The following CCBE1 variants were observed in gnomAD, a reference collection of about 807,000 sequenced individuals.
CCBE1 encodes the protein collagen and calcium-binding EGF domain-containing protein 1.
A neutral mutation model predicts 50.0 loss-of-function variants in CCBE1; 37 were observed. The ratio of observed to expected loss-of-function variants is 0.74; its 90% CI spans 0.57 to 0.97. CCBE1 has a LOEUF of 0.97. CCBE1 is among the 50% of genes least tolerant of loss of function. The probability of loss-of-function intolerance (pLI) is 0.00; values close to 1 mark genes in which losing one functional copy is unlikely to be tolerated. For missense variants in CCBE1, 538 were observed against 523.8 expected (o/e 1.03, Z -0.26); for synonymous variants, 234 against 203.7 (o/e 1.15, Z -1.27).
intron 2 of CCBE1, among the ~76,000 whole-genome samples, chr18:59,680,826 G>A (rs140796886): frequency 3.3e-4 from 50 of 152,232 alleles, no homozygotes; most frequent in Middle Eastern, 6.8e-3. Flanking sequence ...CCAAAGGAGC[G>A]TAGGTTAAAA....
At chr18:59,501,326 C>A (rs573751129) in intron 2 of CCBE1, among the ~76,000 whole-genome samples, 1 of 152,320 alleles carries the variant, frequency 6.6e-6, no homozygotes, top group East Asian at 1.9e-4. Flanking sequence ...AGAGGGGAAG[C>A]ACCAGGCTTG....
chr18:59,641,609 A>G (rs377746215), intron 2 of CCBE1, among the ~76,000 whole-genome samples: 3 of 152,218 alleles, frequency 2.0e-5, no homozygotes, highest in South Asian at 2.1e-4. Context: ...GTTAGAAATA[A>G]AAGTGCAAAT....
At chr18:59,522,078 T>C (rs903249013) in intron 2 of CCBE1, among the ~76,000 whole-genome samples, 1 of 152,118 alleles carries the variant, frequency 6.6e-6, no homozygotes, top group Non-Finnish European at 1.5e-5. Flanking sequence ...AGGAAATTCA[T>C]TGGCTACATT....
intron 2 of CCBE1, among the ~76,000 whole-genome samples, chr18:59,674,294 C>T (rs2054470156): frequency 6.6e-6 from 1 of 152,084 alleles, no homozygotes; most frequent in Admixed American, 6.6e-5. Flanking sequence ...TACTGTACAC[C>T]TATAAAAAAG....
chr18:59,692,512 T>C (rs1208526252), intron 2 of CCBE1, among the ~76,000 whole-genome samples: 1 of 152,198 alleles, frequency 6.6e-6, no homozygotes, highest in Non-Finnish European at 1.5e-5. Context: ...ACTTGGTGAC[T>C]TGCCAGAGAA....
At chr18:59,446,109 A>G in intron 7 of CCBE1, among the ~76,000 whole-genome samples, 1 of 152,220 alleles carries the variant, frequency 6.6e-6, no homozygotes, top group East Asian at 1.9e-4. Context: ...TGGGTTTGGA[A>G]TGTCCCCATT....
intron 2 of CCBE1, among the ~76,000 whole-genome samples, chr18:59,544,897 T>TC (rs1277193778): frequency 6.6e-6 from 1 of 152,352 alleles, no homozygotes; most frequent in South Asian, 2.1e-4. Flanking sequence ...TAGCACAATA[T>TC]CAGGTAGAGT....
intron 2 of CCBE1, among the ~76,000 whole-genome samples, chr18:59,656,988 A>C (rs2054199739): frequency 6.6e-6 from 1 of 152,152 alleles, no homozygotes; most frequent in African/African-American, 2.4e-5. Flanking sequence ...TCATGAATTC[A>C]TCCCCTGGGA....
intron 2 of CCBE1, among the ~76,000 whole-genome samples, chr18:59,677,719 G>A (rs2054525094): frequency 6.6e-6 from 1 of 151,934 alleles, no homozygotes. Context: ...AATTCCCCAG[G>A]ATGACAGAGT....
chr18:59,587,574 C>T (rs1174386913), intron 2 of CCBE1, among the ~76,000 whole-genome samples: 1 of 152,178 alleles, frequency 6.6e-6, no homozygotes, highest in Non-Finnish European at 1.5e-5. Flanking sequence ...ATATTTCTTG[C>T]TCATACACAG....
chr18:59,617,480 C>T (rs551987117), intron 2 of CCBE1, among the ~76,000 whole-genome samples: 1 of 152,320 alleles, frequency 6.6e-6, no homozygotes, highest in East Asian at 1.9e-4. Flanking sequence ...AGAAAGGTGG[C>T]TTTAATCAAA....
chr18:59,568,692 T>C (rs1394872418), intron 2 of CCBE1: 1 of 152,184 alleles, frequency 6.6e-6, no homozygotes, highest in African/African-American at 2.4e-5. Flanking sequence ...CTGAATTTCA[T>C]CAGATGGGCA....
chr18:59,597,459 A>C (rs986379705), intron 2 of CCBE1, among the ~76,000 whole-genome samples: 1 of 152,130 alleles, frequency 6.6e-6, no homozygotes, highest in Non-Finnish European at 1.5e-5. Flanking sequence ...CAGCAAATCC[A>C]TGAGAAATTC....
chr18:59,528,008 A>G (rs1054381755), intron 2 of CCBE1, among the ~76,000 whole-genome samples: 3 of 152,150 alleles, frequency 2.0e-5, no homozygotes, highest in African/African-American at 7.2e-5. Flanking sequence ...GATTTCCTGA[A>G]TTAGAATGTT....
Position 59,444,810 on chromosome 18 carries a change from T to C in CCBE1, c.775+3173A>G, listed in dbSNP as rs139623561. Among the ~76,000 whole-genome samples, 316 of 152,338 alleles carry C rather than the reference T, an allele frequency of 2.1e-3. 2 individuals carry two copies. The highest frequency in any genetic ancestry group is 6.9e-3 in the African/African-American group (288 of 41,580). On this transcript the variant is annotated intron_variant, in intron 7 of 10. Transcript: ENST00000439986. ...GCAATGCTCTAATGATCAGTGATGT[T>C]GAGTATCTTTTAATATGGTTTTTGG...
chr18:59,695,436 G>A (rs564469600), intron 2 of CCBE1, among the ~76,000 whole-genome samples: 3 of 152,096 alleles, frequency 2.0e-5, no homozygotes, highest in East Asian at 1.9e-4. Flanking sequence ...TTCACCCCCC[G>A]CACACGCCAA....
At chr18:59,476,844 A>G (rs1912328244) in intron 3 of CCBE1, among the ~76,000 whole-genome samples, 1 of 152,226 alleles carries the variant, frequency 6.6e-6, no homozygotes, top group African/African-American at 2.4e-5. Flanking sequence ...TATTCTCTGA[A>G]TCAGTATCCA....
chr18:59,554,183 C>T (rs760502058), intron 2 of CCBE1, among the ~76,000 whole-genome samples: 14 of 152,210 alleles, frequency 9.2e-5, no homozygotes, highest in Non-Finnish European at 1.9e-4. Flanking sequence ...GATGGAGTCT[C>T]GCTATGTTTC....
chr18:59,679,006 G>A (rs2054548492), intron 2 of CCBE1, among the ~76,000 whole-genome samples: 1 of 152,136 alleles, frequency 6.6e-6, no homozygotes, highest in Non-Finnish European at 1.5e-5. Context: ...CCCTTTAGAA[G>A]GTAAATTTTC....
Sources: gnomAD v4.1 joint callset for allele counts (sites outside exome capture counted in the v4.1 genomes callset) on GRCh38, gnomAD v4.1.1 for gene constraint, MANE v1.5 for transcripts, NCBI Gene and HGNC (gene_info 2026-07-23, HGNC 2026-07-21) for gene names.